ACER3: variants seen among roughly 807,000 people sequenced by gnomAD.
ACER3 encodes the protein alkaline ceramidase 3, also known as alkCDase 3.
A neutral mutation model predicts 48.9 loss-of-function variants in ACER3; 16 were observed. The ratio of observed to expected loss-of-function variants is 0.33; its 90% CI spans 0.22 to 0.50. The LOEUF is 0.50. Ranked by LOEUF, ACER3 falls within the 20% of genes least tolerant of loss-of-function variation. ACER3 has a pLI of 0.98. For missense variants in ACER3, 227 were observed against 326.0 expected (o/e 0.70, Z 2.34); for synonymous variants, 109 against 107.8 (o/e 1.01, Z -0.07).
rs782221736 is a variant in ACER3 at position 77,015,126 on chromosome 11, T to C, written c.599+9T>C. The C allele has an allele frequency of 3.6e-6, 5 of 1,371,040 alleles. No homozygotes were observed. The African/African-American group carries it at 5.8e-5, about 16-fold the overall frequency. 84.9% of individuals were successfully genotyped at this position (1,371,040 alleles called of 1,614,324 possible). Reference sequence around the variant, plus strand: ...TTTTGTGAGTCACTGAGGTAAGATATATTTTCATTCCTTCAGAAATATTTT... The same window carrying C: ...TTTTGTGAGTCACTGAGGTAAGATACATTTTCATTCCTTCAGAAATATTTT... On this transcript the variant is annotated intron_variant, in intron 8 of 10. Coordinates refer to ENST00000532485, the MANE Select transcript of ACER3 (RefSeq NM_018367.7).
intron 2 of ACER3, among the ~76,000 whole-genome samples, chr11:76,935,483 C>T (rs892326328): frequency 1.3e-5 from 2 of 152,100 alleles, no homozygotes; most frequent in Non-Finnish European, 2.9e-5. Context: ...ATTGTCAAAG[C>T]TCTTGGAAAT....
intron 2 of ACER3, among the ~76,000 whole-genome samples, chr11:76,927,340 G>C (rs1275931302): frequency 3.3e-5 from 5 of 152,136 alleles, no homozygotes. Context: ...CTATACCAGA[G>C]CCTAACGTAG....
chr11:76,938,790 C>CTGGGAGCAATGACGGCT lies in ACER3; in HGVS notation c.214+12125_214+12141dup, dbSNP rs550244780. Among the ~76,000 whole-genome samples, 499 of 151,982 alleles carry CTGGGAGCAATGACGGCT rather than the reference C, an allele frequency of 3.3e-3. 11 individuals carry two copies. Among genetic ancestry groups the CTGGGAGCAATGACGGCT allele is most frequent in the East Asian group, 1.2e-3 (6 of 5,174 alleles). Reference sequence around the variant, plus strand: ...CAAATGCTCTATTGTCTGAAAGGGCCTGGGAGCAATGACGGCTTAGTAGCA... The same window carrying CTGGGAGCAATGACGGCT: ...CAAATGCTCTATTGTCTGAAAGGGCCTGGGAGCAATGACGGCTTGGGAGCAATGACGGCTTAGTAGCA... On this transcript the variant is annotated intron_variant, in intron 2 of 10. Coordinates refer to ENST00000532485, the MANE Select transcript of ACER3 (RefSeq NM_018367.7).
rs1275138814 is a variant in ACER3, at chr11:77,024,780, A to C, written c.*4453A>C. 1 of 152,216 alleles carries C rather than the reference A, an allele frequency of 6.6e-6. No homozygotes were observed. Among genetic ancestry groups the C allele is most frequent in the African/African-American group, 2.4e-5 (1 of 41,464 alleles). 9.4% of individuals were successfully genotyped at this position (152,216 alleles called of 1,614,324 possible). A position where few individuals can be genotyped will look rare whatever the true frequency, so the allele number is the denominator to read the frequency against. ...TATTATTTCTCAAGGTCTTCATTTTATCATTAAATTCAGCTAATTACTACC... is the reference window on the plus strand; with the variant it reads ...TATTATTTCTCAAGGTCTTCATTTTCTCATTAAATTCAGCTAATTACTACC... On this transcript the variant is annotated 3_prime_UTR_variant, in exon 11 of 11. Transcript: ENST00000532485.
intron 1 of ACER3, among the ~76,000 whole-genome samples, chr11:76,921,939 C>T (rs1437554201): frequency 6.6e-6 from 1 of 152,120 alleles, no homozygotes; most frequent in East Asian, 1.9e-4. Flanking sequence ...ATATGAGTCT[C>T]TACTCTGAAT....
chr11:76,867,468 C>CA (rs1156610809), intron 1 of ACER3, among the ~76,000 whole-genome samples: 3,061 of 19,606 alleles, frequency 0.16, 427 homozygotes, highest in East Asian at 0.28. Flanking sequence ...GACTCTGTCT[C>CA]AAAAAAAAAA....
intron 1 of ACER3, among the ~76,000 whole-genome samples, chr11:76,867,631 A>T (rs1945129860): frequency 6.6e-6 from 1 of 152,168 alleles, no homozygotes; most frequent in African/African-American, 2.4e-5. Flanking sequence ...ACATATTATG[A>T]TGAAGGGTTT....
chr11:76,925,352 G>T (rs1946801475), intron 1 of ACER3, among the ~76,000 whole-genome samples: 1 of 152,004 alleles, frequency 6.6e-6, no homozygotes, highest in Non-Finnish European at 1.5e-5. Context: ...GTTATTCATT[G>T]CAATATTGCT....
rs979814455 is a variant in ACER3, at chr11:76,977,710, G to A, written c.320+1369G>A. On this transcript the variant is annotated intron_variant, in intron 4 of 10. Transcript: ENST00000532485. ...AGGGGAGGCAGTGCTGGTGGGGGCC[G>A]GGAACAGGTGGGAACCCCGTCCCCT... Among the ~76,000 whole-genome samples the A allele has an allele frequency of 4.6e-5, 7 of 152,116 alleles. No individual in the cohort carries two copies. In the East Asian group the frequency reaches 5.8e-4, roughly 13 times the overall value.
At chr11:76,933,608 T>G (rs1378124905) in intron 2 of ACER3, among the ~76,000 whole-genome samples, 3 of 152,004 alleles carry the variant, frequency 2.0e-5, no homozygotes, top group Non-Finnish European at 2.9e-5. Flanking sequence ...GGTAAGGTCA[T>G]AGATCAACAG....
At chr11:77,019,613 A>C (rs1949437155) in intron 9 of ACER3, 118 bp from the exon 10 acceptor site, 1 of 879,594 alleles carries the variant, frequency 1.1e-6, no homozygotes, top group Non-Finnish European at 1.9e-6. Flanking sequence ...TGAAGCATAT[A>C]CTCATGTTGT....
chr11:76,867,499 A>G, intron 1 of ACER3, among the ~76,000 whole-genome samples: 1 of 37,964 alleles, frequency 2.6e-5, no homozygotes, highest in African/African-American at 5.1e-5. Context: ...AAAAAAAAAG[A>G]AAGAAAAGTA....
intron 7 of ACER3, among the ~76,000 whole-genome samples, chr11:77,008,742 C>A (rs1302265387): frequency 6.6e-6 from 1 of 152,084 alleles, no homozygotes; most frequent in Non-Finnish European, 1.5e-5. Context: ...CCTTTAAATG[C>A]CCAGATGAGT....
chr11:76,873,423 A>C (rs536197357), intron 1 of ACER3, among the ~76,000 whole-genome samples: 1 of 152,364 alleles, frequency 6.6e-6, no homozygotes, highest in Admixed American at 6.5e-5. Context: ...TTTGCAAACC[A>C]AGTTAGGTGT....
chr11:77,013,957 A>G (rs1303455432), intron 7 of ACER3, among the ~76,000 whole-genome samples: 1 of 152,230 alleles, frequency 6.6e-6, no homozygotes, highest in Admixed American at 6.5e-5. Flanking sequence ...GAAAGAAGCT[A>G]TACAATCAGG....
chr11:76,872,917 T>C (rs1590863001), intron 1 of ACER3, among the ~76,000 whole-genome samples: 1 of 138,774 alleles, frequency 7.2e-6, no homozygotes, highest in African/African-American at 2.7e-5. Context: ...TTTTCTTTTT[T>C]TTTTTTTTTT....
intron 2 of ACER3, among the ~76,000 whole-genome samples, chr11:76,944,744 A>G (rs1947430644): frequency 6.6e-6 from 1 of 152,122 alleles, no homozygotes; most frequent in Non-Finnish European, 1.5e-5. Flanking sequence ...CTGGATGTCT[A>G]ACTCTCTTGC....
chr11:76,928,538 G>A (rs950542442), intron 2 of ACER3, among the ~76,000 whole-genome samples: 8 of 152,170 alleles, frequency 5.3e-5, no homozygotes, highest in African/African-American at 1.9e-4. Context: ...CCTTGCCCAT[G>A]CCTATGTCCT....
intron 2 of ACER3, among the ~76,000 whole-genome samples, chr11:76,937,637 A>G (rs868511665): frequency 2.6e-5 from 4 of 152,208 alleles, no homozygotes; most frequent in Non-Finnish European, 5.9e-5. Flanking sequence ...AAAAGAAAAT[A>G]TACACATTAC....
Sources: gnomAD v4.1 joint callset for allele counts (sites outside exome capture counted in the v4.1 genomes callset) on GRCh38, gnomAD v4.1.1 for gene constraint, MANE v1.5 for transcripts, NCBI Gene and HGNC (gene_info 2026-07-23, HGNC 2026-07-21) for gene names.